INVS: variants seen among roughly 807,000 people sequenced by gnomAD.
The protein encoded by INVS is inversin.
In INVS, 86 loss-of-function variants were observed where a neutral mutation model predicts 108.8. The ratio of observed to expected loss-of-function variants is 0.79; its 90% CI spans 0.66 to 0.95. The LOEUF is 0.95. Ranked by LOEUF, INVS falls within the 40% of genes least tolerant of loss-of-function variation. INVS has a pLI of 0.00. For missense variants in INVS, 1,169 were observed against 1,297.4 expected (o/e 0.90, Z 1.52); for synonymous variants, 455 against 473.5 (o/e 0.96, Z 0.51).
chr9:100,168,877 C>T (rs191313487), intron 3 of INVS, among the ~76,000 whole-genome samples: 29 of 152,262 alleles, frequency 1.9e-4, no homozygotes, highest in Admixed American at 1.6e-3. Flanking sequence ...CACACATTCA[C>T]ATATAACGCT....
In INVS at chr9:100,296,988, G is replaced by A. The variant is rs1564195414; in HGVS notation, c.2858G>A (p.Trp953Ter). 1 of 1,614,058 alleles carries A rather than the reference G, an allele frequency of 6.2e-7. No homozygotes were observed. Among genetic ancestry groups the A allele is most frequent in the Non-Finnish European group, 8.5e-7 (1 of 1,179,988 alleles). ...KQLGAGDVDRWRQESTALLLQ... is the reference protein window; with the variant it reads ...KQLGAGDVDR Reference sequence around the variant, plus strand: ...CTTGGAGCTGGAGATGTGGACAGATGGAGGCAAGAGTCTACAGCATTGCTC... The same window carrying A: ...CTTGGAGCTGGAGATGTGGACAGATAGAGGCAAGAGTCTACAGCATTGCTC... Residue 953 changes from tryptophan (W) to a stop codon, truncating the protein, a stop_gained, in exon 15 of 17, where the codon TGG (tryptophan) becomes TAG (stop). Transcript: ENST00000262457. LOFTEE classifies it high-confidence loss of function.
At chr9:100,210,243 T>TA (rs1328560066) in intron 3 of INVS, among the ~76,000 whole-genome samples, 1 of 152,122 alleles carries the variant, frequency 6.6e-6, no homozygotes, top group African/African-American at 2.4e-5. Context: ...GTGTGGGGGT[T>TA]ATTGGAGCAT....
intron 12 of INVS, among the ~76,000 whole-genome samples, chr9:100,277,867 A>T: frequency 6.6e-6 from 1 of 152,290 alleles, no homozygotes; most frequent in Middle Eastern, 3.4e-3. Flanking sequence ...TTTTTGTCTC[A>T]TGAGGTAATA....
At chr9:100,190,863 CT>C (rs967774331) in intron 3 of INVS, among the ~76,000 whole-genome samples, 3 of 148,118 alleles carry the variant, frequency 2.0e-5, no homozygotes, top group Admixed American at 6.7e-5. Flanking sequence ...TTTTTGTTTT[CT>C]TTTTTTTTTC....
chr9:100,137,287 C>T (rs1417475234), intron 3 of INVS, among the ~76,000 whole-genome samples: 1 of 152,052 alleles, frequency 6.6e-6, no homozygotes, highest in Non-Finnish European at 1.5e-5. Flanking sequence ...GGAAAGGAAA[C>T]CTTAGGAATA....
intron 3 of INVS, among the ~76,000 whole-genome samples, chr9:100,203,501 C>CTTTTTTTTTT (rs34618293): frequency 8.1e-6 from 1 of 123,128 alleles, no homozygotes; most frequent in Non-Finnish European, 1.6e-5. Flanking sequence ...CCAAAGCTTC[C>CTTTTTTTTTT]TTTTTTTTTT....
intron 2 of INVS, among the ~76,000 whole-genome samples, chr9:100,112,823 G>A (rs578197916): frequency 6.6e-6 from 1 of 152,314 alleles, no homozygotes; most frequent in Non-Finnish European, 1.5e-5. Context: ...ATGTGAGATG[G>A]CCTCTGTTTC....
intron 3 of INVS, among the ~76,000 whole-genome samples, chr9:100,161,388 A>AACAAAAAAAAAAC (rs1554718617): frequency 0.15 from 21,464 of 138,964 alleles, 3,378 homozygotes; most frequent in African/African-American, 0.38. Flanking sequence ...AAAAAAAAAA[A>AACAAAAAAAAAAC]AAAACCTCAT....
At chr9:100,138,156 A>C (rs1588029540) in intron 3 of INVS, among the ~76,000 whole-genome samples, 2 of 152,306 alleles carry the variant, frequency 1.3e-5, no homozygotes, top group African/African-American at 4.8e-5. Context: ...CTGTAATCCC[A>C]ATACTTTGGG....
chr9:100,134,065 T>C (rs1262336025), intron 3 of INVS, among the ~76,000 whole-genome samples: 2 of 152,034 alleles, frequency 1.3e-5, no homozygotes, highest in Non-Finnish European at 2.9e-5. Context: ...CCGCACCATA[T>C]TTGTTGTCTT....
chr9:100,196,543 T>C (rs996053179), intron 3 of INVS, among the ~76,000 whole-genome samples: 15 of 152,170 alleles, frequency 9.9e-5, no homozygotes, highest in African/African-American at 3.6e-4. Context: ...TTGAAGGGAC[T>C]CAAAATGGTT....
intron 4 of INVS, 83 bp from the exon 5 acceptor site, chr9:100,229,575 CTT>C: frequency 8.1e-7 from 1 of 1,235,342 alleles, no homozygotes; most frequent in Non-Finnish European, 1.2e-6. Context: ...GTATAAAACT[CTT>C]ATAACAGTGC....
At chr9:100,128,346 A>G (rs981547245) in intron 3 of INVS, among the ~76,000 whole-genome samples, 3 of 152,234 alleles carry the variant, frequency 2.0e-5, no homozygotes, top group Admixed American at 6.5e-5. Flanking sequence ...TCTTTCAAGT[A>G]TCTGATAATT....
intron 3 of INVS, among the ~76,000 whole-genome samples, chr9:100,134,870 AC>A (rs1374866164): frequency 2.6e-5 from 4 of 152,238 alleles, no homozygotes; most frequent in African/African-American, 9.6e-5. Context: ...ACGTTCAACC[AC>A]ATAAGTTAAT....
intron 3 of INVS, among the ~76,000 whole-genome samples, chr9:100,134,554 C>T (rs1393078314): frequency 6.6e-6 from 1 of 152,170 alleles, no homozygotes; most frequent in East Asian, 1.9e-4. Flanking sequence ...AGTTTACATT[C>T]CCACCAGCAG....
chr9:100,171,440 A>G (rs1829538751), intron 3 of INVS, among the ~76,000 whole-genome samples: 1 of 152,168 alleles, frequency 6.6e-6, no homozygotes, highest in Non-Finnish European at 1.5e-5. Context: ...TGACAAAATC[A>G]CCTAATGATA....
intron 11 of INVS, among the ~76,000 whole-genome samples, chr9:100,272,035 AT>A (rs377711957): frequency 8.6e-5 from 13 of 151,796 alleles, no homozygotes; most frequent in African/African-American, 3.1e-4. Context: ...TGCCTGGCTA[AT>A]TTTTGTATTT....
intron 3 of INVS, among the ~76,000 whole-genome samples, chr9:100,174,169 G>C (rs1383718576): frequency 6.6e-6 from 1 of 152,126 alleles, no homozygotes; most frequent in Non-Finnish European, 1.5e-5. Flanking sequence ...GAGCAGACAA[G>C]GAATTTAAAG....
intron 3 of INVS, among the ~76,000 whole-genome samples, chr9:100,222,401 T>C (rs570794608): frequency 6.6e-6 from 1 of 152,322 alleles, no homozygotes; most frequent in Non-Finnish European, 1.5e-5. Flanking sequence ...ATGATACTTC[T>C]GTGAGAAACA....
Sources: gnomAD v4.1 joint callset for allele counts (sites outside exome capture counted in the v4.1 genomes callset) on GRCh38, gnomAD v4.1.1 for gene constraint, MANE v1.5 for transcripts, NCBI Gene and HGNC (gene_info 2026-07-23, HGNC 2026-07-21) for gene names.